The following ACOT12 variants were observed in gnomAD, a reference collection of about 807,000 sequenced individuals.
ACOT12 encodes the protein acetyl-coenzyme A thioesterase.
ACOT12 carries 51 observed loss-of-function variants against 67.7 expected under a neutral mutation model. The ratio of observed to expected loss-of-function variants is 0.75; its 90% CI spans 0.60 to 0.95. ACOT12 has a LOEUF of 0.95. Among genes scored for constraint, ACOT12 ranks in the 40% least tolerant of loss-of-function variants. ACOT12 has a pLI of 0.00. For missense variants in ACOT12, 734 were observed against 708.1 expected (o/e 1.04, Z -0.41); for synonymous variants, 251 against 244.6 (o/e 1.03, Z -0.24).
chr5:81,355,667 T>A (rs1759689158), intron 5 of ACOT12, among the ~76,000 whole-genome samples: 1 of 152,168 alleles, frequency 6.6e-6, no homozygotes, highest in African/African-American at 2.4e-5. Context: ...GATGAGCCAA[T>A]GCATAGGGCC....
chr5:81,358,388 T>C (rs145075058), intron 5 of ACOT12, among the ~76,000 whole-genome samples: 218 of 152,332 alleles, frequency 1.4e-3, no homozygotes, highest in African/African-American at 5.1e-3. Context: ...TTGTCTCACC[T>C]GCCTCAGGGT....
chr5:81,335,748 A>G lies in ACOT12; in HGVS notation c.1262+20T>C. 6.2e-7 allele frequency: 1 copy of G among 1,601,590 alleles called. No individual in the cohort carries two copies. The highest frequency in any genetic ancestry group is 8.5e-7 in the Non-Finnish European group (1 of 1,176,196). On this transcript the variant is annotated intron_variant, in intron 12 of 14. Coordinates refer to ENST00000307624, the MANE Select transcript of ACOT12 (RefSeq NM_130767.3). ...ATTATGTCAAGGTTGATTGAGAAAA[A>G]TTTTTAAATTTGTTCTTACACAAAA...
At chr5:81,340,715 TG>T (rs1759167475) in intron 11 of ACOT12, among the ~76,000 whole-genome samples, 1 of 152,102 alleles carries the variant, frequency 6.6e-6, no homozygotes, top group South Asian at 2.1e-4. Flanking sequence ...CACTAAAAGG[TG>T]GCAGAAAAAA....
the ACOT12 span, among the ~76,000 whole-genome samples, chr5:81,321,878 C>A: frequency 6.6e-6 from 1 of 152,082 alleles, no homozygotes; most frequent in African/African-American, 2.4e-5. Context: ...ACCTGGGAGG[C>A]AAAGGTTGCG....
At position 81,386,994 on chromosome 5, in the gene ACOT12, C is replaced by CTTT. The variant is rs1052387807; in HGVS notation, c.128-1169_128-1168insAAA. On this transcript the variant is annotated intron_variant, in intron 1 of 14. Transcript: ENST00000307624. ...TCCAGACACTGAGTTGGATGAGTTC[C>CTTT]ATTTTTTTTTTTTTTTTTTTTTTTC... Among the ~76,000 whole-genome samples the CTTT allele has an allele frequency of 3.8e-4, 49 of 128,468 alleles. 4 individuals carry two copies. Among genetic ancestry groups the CTTT allele is most frequent in the African/African-American group, 8.4e-4 (26 of 30,834 alleles). The allele number at this position is 128,468 out of a possible 152,430, so 84.3% of individuals were successfully genotyped here. A position where few individuals can be genotyped will look rare whatever the true frequency, so the allele number is the denominator to read the frequency against.
intron 10 of ACOT12, among the ~76,000 whole-genome samples, chr5:81,343,243 A>C (rs546377331): frequency 5.3e-4 from 80 of 152,204 alleles, no homozygotes; most frequent in African/African-American, 1.9e-3. Context: ...AAACGAAAAA[A>C]AAACAAACAA....
At position 81,330,914 on chromosome 5, in the gene ACOT12, G is replaced by A. The variant is rs80124231; in HGVS notation, c.1418C>T (p.Ser473Leu). The stretch of plus-strand genomic sequence containing the variant: ...CGGGGGGACCGATGGCAAAATGACC[G>A]ACTTCACTGCCACTGTGTAAGTGTT... The part of the protein sequence containing the change: ...DGNTYTVAVK[S>L]VILPSVPPSP... The change falls in exon 14 of 15, where the codon TCG becomes TTG. Residue 473 changes from serine to leucine, a missense_variant. By Grantham distance (145) the Ser-to-Leu change is moderately radical. Transcript: ENST00000307624. 246 of 1,611,854 alleles carry A rather than the reference G, an allele frequency of 1.5e-4. No individual in the cohort carries two copies. Among genetic ancestry groups the A allele is most frequent in the African/African-American group, 1.3e-3 (97 of 74,892 alleles).
chr5:81,311,168 T>C, the ACOT12 span: 22 of 1,609,184 alleles, frequency 1.4e-5, no homozygotes, highest in Admixed American at 3.0e-4. Flanking sequence ...AAAAACCCCT[T>C]GCAAGTATGA....
In ACOT12 at chr5:81,344,899, T is replaced by C; in HGVS notation, c.916A>G (p.Ile306Val). ...NLITFPRIQP[I>V]SKDDFRRYRG... Reference sequence around the variant, plus strand: ...GTGTGATAATAACTGACCTTTGAAATGGGTTGGATTCTGGGAAACGTGATG... The same window carrying C: ...GTGTGATAATAACTGACCTTTGAAACGGGTTGGATTCTGGGAAACGTGATG... Residue 306 changes from isoleucine to valine, a missense_variant, in exon 8 of 15, where the codon ATT (isoleucine) becomes GTT (valine). Ile to Val is a conservative substitution (Grantham distance 29, BLOSUM62 3). Coordinates refer to ENST00000307624, the MANE Select transcript of ACOT12 (RefSeq NM_130767.3). The C allele has an allele frequency of 6.2e-7, 1 of 1,614,104 alleles. No homozygotes were observed. Among genetic ancestry groups the C allele is most frequent in the Non-Finnish European group, 8.5e-7 (1 of 1,179,994 alleles).
At chr5:81,312,580 T>C in the ACOT12 span, 1 of 1,613,966 alleles carries the variant, frequency 6.2e-7, no homozygotes, top group Non-Finnish European at 8.5e-7. Flanking sequence ...GCAAAGGGAA[T>C]GAGTGCAGAC....
At chr5:81,371,397 C>A (rs998335726) in intron 3 of ACOT12, among the ~76,000 whole-genome samples, 2 of 151,828 alleles carry the variant, frequency 1.3e-5, no homozygotes, top group Admixed American at 1.3e-4. Flanking sequence ...GGGCTACAGG[C>A]ACTTACCACT....
chr5:81,348,628 G>A (rs1201940501), intron 5 of ACOT12, among the ~76,000 whole-genome samples: 1 of 152,036 alleles, frequency 6.6e-6, no homozygotes, highest in African/African-American at 2.4e-5. Flanking sequence ...GCAGTGGTGC[G>A]ATCTCAGCTC....
At chr5:81,384,096 T>A (rs1760661779) in intron 2 of ACOT12, among the ~76,000 whole-genome samples, 1 of 150,908 alleles carries the variant, frequency 6.6e-6, no homozygotes, top group Admixed American at 6.6e-5. Context: ...CATTCATGGT[T>A]AAGTGCCCTA....
intron 14 of ACOT12, 78 bp from the exon 15 acceptor site, chr5:81,330,621 G>C (rs981670172): frequency 1.3e-6 from 2 of 1,540,104 alleles, no homozygotes; most frequent in Admixed American, 1.9e-5. Flanking sequence ...GAGTCTTGCT[G>C]GTGTAGGGGA....
chr5:81,360,096 T>C, intron 4 of ACOT12, 58 bp from the exon 5 acceptor site: 1 of 1,547,040 alleles, frequency 6.5e-7, no homozygotes, highest in South Asian at 1.2e-5. Context: ...AAGCACAGCA[T>C]GAATTTTGCA....
chr5:81,378,944 T>C (rs1180108533), intron 2 of ACOT12, among the ~76,000 whole-genome samples: 2 of 152,148 alleles, frequency 1.3e-5, no homozygotes, highest in African/African-American at 4.8e-5. Flanking sequence ...GATCTAGAAC[T>C]AGAAATACCA....
chr5:81,340,554 G>A (rs1019529243), intron 11 of ACOT12, among the ~76,000 whole-genome samples: 2 of 152,030 alleles, frequency 1.3e-5, no homozygotes, highest in South Asian at 2.1e-4. Flanking sequence ...TAGAGACAGT[G>A]TTTCACCATC....
chr5:81,354,191 G>A lies in ACOT12; in HGVS notation c.496+5712C>T, dbSNP rs561234873. 2.0e-5 allele frequency among the ~76,000 whole-genome samples: 3 copies of A among 152,326 alleles called. No individual in the cohort carries two copies. The South Asian group carries it at 6.2e-4, about 32-fold the overall frequency. On this transcript the variant is annotated intron_variant, in intron 5 of 14. Transcript: ENST00000307624. ...AGATTAAACAAAGCAGATGATAAAA[G>A]AAGACTTTGAGAAAAATCTATAATT...
chr5:81,365,872 A>C (rs1760062500), intron 3 of ACOT12, among the ~76,000 whole-genome samples: 1 of 152,048 alleles, frequency 6.6e-6, no homozygotes, highest in African/African-American at 2.4e-5. Context: ...GTACCAGAGA[A>C]GGAAACTAAA....
Sources: allele counts gnomAD v4.1 joint callset (sites outside exome capture counted in the v4.1 genomes callset), GRCh38; gene constraint gnomAD v4.1.1; transcripts MANE v1.5; gene names NCBI Gene and HGNC (gene_info 2026-07-23, HGNC 2026-07-21).